Variants in CADPS observed in about 807,000 individuals in gnomAD.
CADPS encodes the protein calcium-dependent secretion activator 1.
Under a neutral mutation model 167.3 loss-of-function variants are expected in CADPS, and 57 were observed. The observed-to-expected ratio is 0.34, with a 90% CI of 0.28 to 0.42. The LOEUF is 0.42. Among genes scored for constraint, CADPS ranks in the 20% least tolerant of loss-of-function variants. CADPS has a pLI of 1.00. For synonymous variants in CADPS, 676 were observed against 635.3 expected, an observed-to-expected ratio of 1.06 and a Z score of -0.96; for missense variants, 1,414 against 1,738.1, an observed-to-expected ratio of 0.81 and a Z score of 3.32.
chr3:62,779,800 T>G (rs556828249), intron 1 of CADPS: 43 of 261,842 alleles, frequency 1.6e-4, no homozygotes, highest in African/African-American at 9.5e-4. Flanking sequence ...TCAGTGGCAT[T>G]CAGTGAGAAG....
intron 26 of CADPS, among the ~76,000 whole-genome samples, chr3:62,454,040 A>G (rs181321038): frequency 6.6e-6 from 1 of 152,314 alleles, no homozygotes; most frequent in East Asian, 1.9e-4. Context: ...CCAGATGTCC[A>G]TTGCTTGAAA....
chr3:62,401,732 A>ATTT (rs35897409), intron 29 of CADPS, among the ~76,000 whole-genome samples: 57 of 145,542 alleles, frequency 3.9e-4, no homozygotes, highest in Admixed American at 1.6e-3. Flanking sequence ...CTCATACCAC[A>ATTT]TTTTTTTTTT....
At chr3:62,501,425 G>A (rs906605993) in intron 17 of CADPS, among the ~76,000 whole-genome samples, 1 of 152,058 alleles carries the variant, frequency 6.6e-6, no homozygotes, top group African/African-American at 2.4e-5. Context: ...ATATGCACAG[G>A]CTACTATTTT....
At chr3:62,567,563 G>GTT (rs2080461735) in intron 9 of CADPS, among the ~76,000 whole-genome samples, 1 of 100,308 alleles carries the variant, frequency 1.0e-5, no homozygotes, top group African/African-American at 4.0e-5. Flanking sequence ...ACTAAGCACT[G>GTT]CTTTTTTTTT....
chr3:62,784,910 A>C (rs2092262627), intron 1 of CADPS, among the ~76,000 whole-genome samples: 1 of 152,194 alleles, frequency 6.6e-6, no homozygotes, highest in African/African-American at 2.4e-5. Context: ...GAAGTTGTAA[A>C]CTGACTGAAT....
intron 5 of CADPS, among the ~76,000 whole-genome samples, chr3:62,649,100 C>G (rs930049849): frequency 5.3e-5 from 8 of 152,182 alleles, no homozygotes; most frequent in Non-Finnish European, 1.0e-4. Flanking sequence ...TTTACATATT[C>G]TAATCAACTG....
chr3:62,762,099 G>GA (rs1337689725), intron 2 of CADPS, among the ~76,000 whole-genome samples: 5 of 152,258 alleles, frequency 3.3e-5, no homozygotes, highest in African/African-American at 1.2e-4. Context: ...GGCACAGATG[G>GA]AAAAGGAATA....
intron 8 of CADPS, among the ~76,000 whole-genome samples, chr3:62,575,089 C>A (rs1310037175): frequency 1.3e-5 from 2 of 152,174 alleles, no homozygotes; most frequent in Non-Finnish European, 2.9e-5. Context: ...AGCTACTAAC[C>A]ATTTCCCTTT....
At chr3:62,656,166 C>T (rs2071513994) in intron 4 of CADPS, among the ~76,000 whole-genome samples, 2 of 152,166 alleles carry the variant, frequency 1.3e-5, no homozygotes, top group Admixed American at 6.6e-5. Flanking sequence ...CTGACACACA[C>T]AGCCTCTCTT....
chr3:62,547,864 T>A (rs556528716), intron 11 of CADPS, among the ~76,000 whole-genome samples: 1 of 152,124 alleles, frequency 6.6e-6, no homozygotes, highest in Non-Finnish European at 1.5e-5. Context: ...ATCGATTTCT[T>A]GTCTCTAATT....
At chr3:62,627,083 GTTC>G in intron 6 of CADPS, among the ~76,000 whole-genome samples, 1 of 151,798 alleles carries the variant, frequency 6.6e-6, no homozygotes, top group South Asian at 2.1e-4. Flanking sequence ...TTAATCTTAA[GTTC>G]TTAACTCCTC....
chr3:62,436,569 C>G (rs768760053), intron 28 of CADPS, among the ~76,000 whole-genome samples: 1 of 152,144 alleles, frequency 6.6e-6, no homozygotes, highest in Non-Finnish European at 1.5e-5. Flanking sequence ...AGGCTCAGTA[C>G]TTTCATATAA....
intron 6 of CADPS, among the ~76,000 whole-genome samples, chr3:62,637,875 G>A (rs529281760): frequency 6.6e-6 from 1 of 152,054 alleles, no homozygotes; most frequent in South Asian, 2.1e-4. Context: ...GGTTATGGTA[G>A]GGCATTAAAT....
Position 62,533,661 on chromosome 3 carries a change from T to C in CADPS, c.2104-603A>G, listed in dbSNP as rs138744441. ...TGTCATATTCCAAGTCTTCTTGTTT[T>C]CTCTACTCTAGAGCATGAAGAAATT... On this transcript the variant is annotated intron_variant, in intron 12 of 29. Transcript: ENST00000383710. Among the ~76,000 whole-genome samples, 302 of 152,312 alleles carry C rather than the reference T, an allele frequency of 2.0e-3. 4 individuals are homozygous for C. The highest frequency in any genetic ancestry group is 7.0e-3 in the African/African-American group (292 of 41,576).
chr3:62,403,395 C>T, intron 28 of CADPS: 1 of 381,502 alleles, frequency 2.6e-6, no homozygotes. Flanking sequence ...GACAGACAAT[C>T]TAAGACAGTT....
chr3:62,543,346 G>A (rs2075998705), intron 11 of CADPS, among the ~76,000 whole-genome samples: 1 of 152,140 alleles, frequency 6.6e-6, no homozygotes, highest in Non-Finnish European at 1.5e-5. Flanking sequence ...GCAAACAATT[G>A]TTTAAAAATC....
chr3:62,805,165 AC>A (rs751721390), intron 1 of CADPS, among the ~76,000 whole-genome samples: 2 of 152,152 alleles, frequency 1.3e-5, no homozygotes, highest in Non-Finnish European at 2.9e-5. Flanking sequence ...ATACCTCCTG[AC>A]ACTGCAGAAT....
chr3:62,598,839 G>A (rs774109451), intron 6 of CADPS, among the ~76,000 whole-genome samples: 3 of 152,160 alleles, frequency 2.0e-5, no homozygotes, highest in Admixed American at 6.5e-5. Flanking sequence ...AGTTACCTCT[G>A]TAACTGAAAA....
chr3:62,768,953 A>ATGTC (rs1228077716), intron 1 of CADPS, among the ~76,000 whole-genome samples: 1 of 152,132 alleles, frequency 6.6e-6, no homozygotes, highest in Non-Finnish European at 1.5e-5. Context: ...AACTTTGCTT[A>ATGTC]TGTCTGGGTT....
Sources: allele counts gnomAD v4.1 joint callset (sites outside exome capture counted in the v4.1 genomes callset), GRCh38; gene constraint gnomAD v4.1.1; transcripts MANE v1.5; gene names NCBI Gene and HGNC (gene_info 2026-07-23, HGNC 2026-07-21).